Variants in FUT9 observed in about 807,000 individuals in gnomAD.
FUT9 encodes fucosyltransferase 9, also known as 4-galactosyl-N-acetylglucosaminide 3-alpha-L-fucosyltransferase 9.
A neutral mutation model predicts 29.7 loss-of-function variants in FUT9; 15 were observed. The ratio of observed to expected loss-of-function variants is 0.51; its 90% confidence interval spans 0.34 to 0.78. The LOEUF is 0.78. Among genes scored for constraint, FUT9 ranks in the 30% least tolerant of loss-of-function variants. FUT9 has a pLI of 0.01. For missense variants in FUT9, 319 were observed against 425.4 expected (o/e 0.75, Z 2.20); for synonymous variants, 169 against 153.7 (o/e 1.10, Z -0.74).
At chr6:96,081,789 T>C (rs1172605552) in intron 1 of FUT9, among the ~76,000 whole-genome samples, 1 of 151,930 alleles carries the variant, frequency 6.6e-6, no homozygotes, top group Non-Finnish European at 1.5e-5. Context: ...ACATTAGCAA[T>C]AGTTGAACAT....
chr6:96,191,990 C>T (rs1773520104), intron 2 of FUT9, among the ~76,000 whole-genome samples: 1 of 152,090 alleles, frequency 6.6e-6, no homozygotes, highest in African/African-American at 2.4e-5. Flanking sequence ...AGGCCTTTGA[C>T]AAAATTCAAC....
At chr6:96,118,959 A>G (rs1162186129) in intron 2 of FUT9, among the ~76,000 whole-genome samples, 2 of 152,232 alleles carry the variant, frequency 1.3e-5, no homozygotes, top group Admixed American at 6.5e-5. Context: ...GTACAGCTAT[A>G]CAATGTGTTT....
At chr6:96,104,688 G>A (rs1280575644) in intron 1 of FUT9, among the ~76,000 whole-genome samples, 1 of 151,928 alleles carries the variant, frequency 6.6e-6, no homozygotes, top group Non-Finnish European at 1.5e-5. Flanking sequence ...CTGCCATCAC[G>A]CCCGGCACAT....
intron 1 of FUT9, among the ~76,000 whole-genome samples, chr6:96,031,030 C>T (rs1770251508): frequency 6.6e-6 from 1 of 151,392 alleles, no homozygotes; most frequent in Non-Finnish European, 1.5e-5. Flanking sequence ...AGGCCTTTGT[C>T]AAAATTCATA....
At chr6:96,115,725 C>T (rs1771898289) in intron 2 of FUT9, among the ~76,000 whole-genome samples, 2 of 152,106 alleles carry the variant, frequency 1.3e-5, no homozygotes, top group Non-Finnish European at 2.9e-5. Context: ...GAGCACATGA[C>T]TTTAAAATTT....
At chr6:96,101,848 G>T (rs1159894036) in intron 1 of FUT9, among the ~76,000 whole-genome samples, 2 of 150,510 alleles carry the variant, frequency 1.3e-5, no homozygotes, top group Non-Finnish European at 3.0e-5. Flanking sequence ...TAGAGACAAG[G>T]TCTTGCTATG....
At chr6:96,064,023 C>T (rs150534385) in intron 1 of FUT9, among the ~76,000 whole-genome samples, 196 of 152,222 alleles carry the variant, frequency 1.3e-3, no homozygotes, top group African/African-American at 4.5e-3. Flanking sequence ...ATATCCCCAT[C>T]GATCTAGAAC....
intron 1 of FUT9, among the ~76,000 whole-genome samples, chr6:96,022,942 C>T (rs988752643): frequency 6.6e-6 from 1 of 151,954 alleles, no homozygotes; most frequent in Non-Finnish European, 1.5e-5. Flanking sequence ...AAGCTGCTTA[C>T]GTTTTCCTGG....
intron 2 of FUT9, among the ~76,000 whole-genome samples, chr6:96,127,502 C>A (rs1205880041): frequency 6.6e-6 from 1 of 152,076 alleles, no homozygotes; most frequent in African/African-American, 2.4e-5. Context: ...AGTGAACATA[C>A]CTGCGCATGT....
intron 1 of FUT9, among the ~76,000 whole-genome samples, chr6:96,089,107 A>G (rs1459184588): frequency 1.3e-5 from 2 of 152,194 alleles, no homozygotes; most frequent in Non-Finnish European, 2.9e-5. Flanking sequence ...AATACAAACT[A>G]TAACTATTCC....
At chr6:96,154,476 T>A (rs1173016423) in intron 2 of FUT9, among the ~76,000 whole-genome samples, 3 of 152,228 alleles carry the variant, frequency 2.0e-5, no homozygotes, top group African/African-American at 7.2e-5. Flanking sequence ...TTTACTTTTT[T>A]GTAAAGTAAG....
chr6:96,030,020 A>G (rs1197628997), intron 1 of FUT9, among the ~76,000 whole-genome samples: 1 of 151,630 alleles, frequency 6.6e-6, no homozygotes, highest in Non-Finnish European at 1.5e-5. Context: ...GAAAGGATAA[A>G]AAGATAAATC....
At chr6:96,058,908 C>A (rs1369729269) in intron 1 of FUT9, among the ~76,000 whole-genome samples, 2 of 152,038 alleles carry the variant, frequency 1.3e-5, no homozygotes, top group Admixed American at 6.6e-5. Flanking sequence ...ACAAAAATTT[C>A]TCCCTCTTTT....
chr6:96,177,432 A>G (rs1207120099), intron 2 of FUT9, among the ~76,000 whole-genome samples: 1 of 152,138 alleles, frequency 6.6e-6, no homozygotes, highest in Non-Finnish European at 1.5e-5. Context: ...AGGTATTGTT[A>G]TACTCATCTA....
chr6:96,064,907 T>C (rs1481843765), intron 1 of FUT9, among the ~76,000 whole-genome samples: 1 of 152,196 alleles, frequency 6.6e-6, no homozygotes, highest in Non-Finnish European at 1.5e-5. Context: ...TTTATGTGTA[T>C]GAAGAAATAT....
intron 2 of FUT9, among the ~76,000 whole-genome samples, chr6:96,190,118 T>C (rs2127988418): frequency 6.6e-6 from 1 of 152,290 alleles, no homozygotes; most frequent in Admixed American, 6.5e-5. Context: ...ACAAAATCTC[T>C]CAGCATTTGC....
intron 1 of FUT9, among the ~76,000 whole-genome samples, chr6:96,044,468 C>T (rs975641332): frequency 6.6e-6 from 1 of 152,182 alleles, no homozygotes; most frequent in African/African-American, 2.4e-5. Context: ...AAACACAAAA[C>T]ATACAAATAA....
At position 96,188,412 on chromosome 6, in the gene FUT9, T is replaced by C. The variant is rs527432253; in HGVS notation, c.-8-14736T>C. ...CTCCTGAGTAGCAAGCAATCCTGCCTTGGCCTTCCAAAGTGCTGGGATTAC... is the reference window on the plus strand; with the variant it reads ...CTCCTGAGTAGCAAGCAATCCTGCCCTGGCCTTCCAAAGTGCTGGGATTAC... On this transcript the variant is annotated intron_variant, in intron 2 of 2. Coordinates refer to ENST00000302103, the MANE Select transcript of FUT9 (RefSeq NM_006581.4). 1.0e-3 allele frequency among the ~76,000 whole-genome samples: 153 copies of C among 152,216 alleles called. 4 individuals are homozygous for C. The South Asian group carries it at 0.031, about 31-fold the overall frequency.
intron 2 of FUT9, among the ~76,000 whole-genome samples, chr6:96,157,786 G>A (rs1377971638): frequency 2.0e-5 from 3 of 151,972 alleles, no homozygotes; most frequent in African/African-American, 7.2e-5. Flanking sequence ...TATTAATATA[G>A]AGCAACACTG....
Sources: gnomAD v4.1 joint callset for allele counts (sites outside exome capture counted in the v4.1 genomes callset) on GRCh38, gnomAD v4.1.1 for gene constraint, MANE v1.5 for transcripts, NCBI Gene and HGNC (gene_info 2026-07-23, HGNC 2026-07-21) for gene names.